The following EEFSEC variants were observed in gnomAD, a reference collection of about 807,000 sequenced individuals.
The protein encoded by EEFSEC is selenocysteine-specific elongation factor.
Under a neutral mutation model 42.1 loss-of-function variants are expected in EEFSEC, and 43 were observed. The observed-to-expected ratio is 1.02, with a 90% CI of 0.80 to 1.32. The LOEUF is 1.32. Among genes scored for constraint, EEFSEC ranks in the 40% most tolerant of loss-of-function variants. The probability of loss-of-function intolerance (pLI) is 0.00; values close to 1 mark genes in which losing one functional copy is unlikely to be tolerated. For missense variants in EEFSEC, 745 were observed against 803.6 expected, an observed-to-expected ratio of 0.93 and a Z score of 0.88; for synonymous variants, 354 against 339.1, an observed-to-expected ratio of 1.04 and a Z score of -0.48.
Position 128,264,628 on chromosome 3 carries a change from C to A in EEFSEC, c.633C>A (p.Ser211=), listed in dbSNP as rs773521566. ...GIPELIELLT[S]QISIPTRDPS... is the part of the protein sequence containing the mutation. ...TTTCTCTTTTCTAGCTCCTGACGTC[C>A]CAGATTTCCATCCCAACGAGAGATC... The change falls in exon 4 of 7, where the codon TCC becomes TCA. Residue 211 remains serine (S), a synonymous_variant. Coordinates refer to ENST00000254730, the MANE Select transcript of EEFSEC (RefSeq NM_021937.5). 6.2e-7 allele frequency: 1 copy of A among 1,613,754 alleles called. No homozygotes were observed. The highest frequency in any genetic ancestry group is 1.3e-5 in the African/African-American group (1 of 74,884).
At chr3:128,248,583 G>A (rs2066151788) in intron 2 of EEFSEC, among the ~76,000 whole-genome samples, 1 of 152,170 alleles carries the variant, frequency 6.6e-6, no homozygotes, top group African/African-American at 2.4e-5. Flanking sequence ...TAAAAAGGAA[G>A]ATAAAAAATT....
At chr3:128,341,122 G>A (rs1346037844) in intron 4 of EEFSEC, 111 bp from the exon 5 acceptor site, 14 of 1,336,022 alleles carry the variant, frequency 1.0e-5, no homozygotes, top group Non-Finnish European at 1.3e-5. Context: ...TGGTCCTCAC[G>A]GTGCCTGCAG....
chr3:128,214,021 C>T (rs1240954185), intron 1 of EEFSEC, among the ~76,000 whole-genome samples: 1 of 151,944 alleles, frequency 6.6e-6, no homozygotes, highest in Non-Finnish European at 1.5e-5. Context: ...ATAATGGGGA[C>T]AATTGGGAGA....
rs1366086790 is a variant in EEFSEC at position 128,317,156 on chromosome 3, A to G, written c.787-24077A>G. ...GCAGAGCCAGTAACCCTTTGGTACC[A>G]GGCCTCAATAGGGCAGCAAGGGCCC... is the stretch of plus-strand genomic sequence containing the variant. On this transcript the variant is annotated intron_variant, in intron 4 of 6. Coordinates refer to ENST00000254730, the MANE Select transcript of EEFSEC (RefSeq NM_021937.5). The surrounding 1 kb of genome is among the most constrained non-coding windows in gnomAD (Gnocchi z 4.1). Among the ~76,000 whole-genome samples, 1 of 152,198 alleles carries G rather than the reference A, an allele frequency of 6.6e-6. No homozygotes were observed. The highest frequency in any genetic ancestry group is 2.4e-5 in the African/African-American group (1 of 41,450).
chr3:128,264,646 G>A lies in EEFSEC; in HGVS notation c.651G>A (p.Thr217=), dbSNP rs371605557. ...ELLTSQISIP[T]RDPSGPFLMS... ...TGACGTCCCAGATTTCCATCCCAAC[G>A]AGAGATCCCTCGGGACCGTTCCTCA... The change falls in exon 4 of 7, where the codon ACG becomes ACA. Residue 217 remains threonine (T), a synonymous_variant. Coordinates refer to ENST00000254730, the MANE Select transcript of EEFSEC (RefSeq NM_021937.5). 133 of 1,613,796 alleles carry A rather than the reference G, an allele frequency of 8.2e-5. No individual in the cohort carries two copies. Among genetic ancestry groups the A allele is most frequent in the Non-Finnish European group, 9.8e-5 (116 of 1,179,946 alleles).
At chr3:128,340,464 A>G (rs933848343) in intron 4 of EEFSEC, among the ~76,000 whole-genome samples, 3 of 151,714 alleles carry the variant, frequency 2.0e-5, no homozygotes, top group African/African-American at 7.3e-5. Flanking sequence ...TTTTTCCTAT[A>G]TAGGTAATTT....
At chr3:128,370,674 C>T (rs1193017743) in intron 6 of EEFSEC, among the ~76,000 whole-genome samples, 1 of 152,234 alleles carries the variant, frequency 6.6e-6, no homozygotes, top group Non-Finnish European at 1.5e-5. Context: ...TCTGTTTCAG[C>T]CATTGCCCCT....
chr3:128,231,545 A>G (rs1458759011), intron 1 of EEFSEC, among the ~76,000 whole-genome samples: 1 of 152,208 alleles, frequency 6.6e-6, no homozygotes, highest in Admixed American at 6.5e-5. Context: ...ACAGGCCTGG[A>G]AAGCCCAGGC....
chr3:128,257,502 A>G (rs960920291), intron 2 of EEFSEC, among the ~76,000 whole-genome samples: 17 of 152,102 alleles, frequency 1.1e-4, no homozygotes, highest in Non-Finnish European at 1.9e-4. Flanking sequence ...ACTGCCCACA[A>G]TTTCAGTGAA....
chr3:128,337,084 C>T (rs1189029225), intron 4 of EEFSEC: 2 of 152,206 alleles, frequency 1.3e-5, no homozygotes, highest in Non-Finnish European at 2.9e-5. Flanking sequence ...CTGTTTTTCT[C>T]ATTCTTAGGT....
At chr3:128,196,027 C>T (rs1576536440) in intron 1 of EEFSEC, among the ~76,000 whole-genome samples, 5 of 152,362 alleles carry the variant, frequency 3.3e-5, no homozygotes, top group East Asian at 3.9e-4. Flanking sequence ...CAAAACGGGG[C>T]CCTTGTCCAC....
chr3:128,172,918 T>C (rs1377456741), intron 1 of EEFSEC, among the ~76,000 whole-genome samples: 2 of 152,246 alleles, frequency 1.3e-5, no homozygotes, highest in Non-Finnish European at 2.9e-5. Flanking sequence ...CTTCTTTTAC[T>C]CTTTTGTAAT....
At chr3:128,381,190 T>C (rs1276340349) in intron 6 of EEFSEC, among the ~76,000 whole-genome samples, 3 of 152,184 alleles carry the variant, frequency 2.0e-5, no homozygotes, top group East Asian at 3.8e-4. Context: ...CTCCTATCCA[T>C]GACTTGGAGT....
At chr3:128,161,218 TA>T (rs2107760964) in intron 1 of EEFSEC, among the ~76,000 whole-genome samples, 1 of 152,334 alleles carries the variant, frequency 6.6e-6, no homozygotes, top group Non-Finnish European at 1.5e-5. Context: ...TTTTAGAGTA[TA>T]AATCTTTCAG....
At chr3:128,320,159 A>G (rs2066991445) in intron 4 of EEFSEC, among the ~76,000 whole-genome samples, 1 of 152,236 alleles carries the variant, frequency 6.6e-6, no homozygotes. Context: ...TCCAAAGCCT[A>G]AACTGCTTAC....
intron 3 of EEFSEC, among the ~76,000 whole-genome samples, chr3:128,263,807 A>G (rs181066547): frequency 6.6e-6 from 1 of 152,356 alleles, no homozygotes; most frequent in East Asian, 1.9e-4. Flanking sequence ...CTCCCGGCAC[A>G]CAGGTGGCAT....
At chr3:128,246,072 C>G (rs532178132) in intron 1 of EEFSEC, among the ~76,000 whole-genome samples, 34 of 152,334 alleles carry the variant, frequency 2.2e-4, no homozygotes, top group African/African-American at 7.9e-4. Context: ...GACTCCAAAT[C>G]CCGTTAAAAA....
At chr3:128,392,761 G>A (rs1042290070) in intron 6 of EEFSEC, among the ~76,000 whole-genome samples, 15 of 152,210 alleles carry the variant, frequency 9.9e-5, no homozygotes, top group South Asian at 4.1e-4. Flanking sequence ...GAGAGAGTGT[G>A]GGGGGATGAC....
At chr3:128,312,367 GCT>G (rs1419599442) in intron 4 of EEFSEC, among the ~76,000 whole-genome samples, 1 of 152,214 alleles carries the variant, frequency 6.6e-6, no homozygotes, top group Admixed American at 6.5e-5. Context: ...ACCTAGGCCA[GCT>G]CTCTCTCCTG....
Sources: allele counts gnomAD v4.1 joint callset (sites outside exome capture counted in the v4.1 genomes callset), GRCh38; gene constraint gnomAD v4.1.1; non-coding constraint Gnocchi (gnomAD v3.1); transcripts MANE v1.5; gene names NCBI Gene and HGNC (gene_info 2026-07-23, HGNC 2026-07-21).